The following KCNAB1 variants were observed in gnomAD, a reference collection of about 807,000 sequenced individuals.
KCNAB1 encodes the protein potassium voltage-gated channel subfamily A regulatory beta subunit 1.
KCNAB1 carries 35 observed loss-of-function variants against 64.6 expected under a neutral mutation model. That is an observed-to-expected ratio of 0.54 (90% CI 0.41 to 0.72). The LOEUF is 0.72. Among genes scored for constraint, KCNAB1 ranks in the 30% least tolerant of loss-of-function variants. KCNAB1 has a pLI of 0.00. For synonymous variants in KCNAB1, 177 were observed against 183.8 expected (o/e 0.96, Z 0.30); for missense variants, 401 against 512.9 (o/e 0.78, Z 2.11).
chr3:156,365,004 T>C (rs975156994), intron 1 of KCNAB1, among the ~76,000 whole-genome samples: 17 of 152,140 alleles, frequency 1.1e-4, no homozygotes, highest in African/African-American at 3.9e-4. Flanking sequence ...CTAGTGAAGA[T>C]GTGGATTGTC....
chr3:156,269,262 G>T (rs1350508335), intron 1 of KCNAB1, among the ~76,000 whole-genome samples: 1 of 152,162 alleles, frequency 6.6e-6, no homozygotes, highest in Admixed American at 6.5e-5. Context: ...TGTTTCAGGA[G>T]CATATTGTTT....
At chr3:156,142,711 T>C (rs1288054305) in intron 1 of KCNAB1, among the ~76,000 whole-genome samples, 1 of 152,236 alleles carries the variant, frequency 6.6e-6, no homozygotes, top group African/African-American at 2.4e-5. Context: ...TAAAAAATTA[T>C]TTGATTACAA....
intron 1 of KCNAB1, among the ~76,000 whole-genome samples, chr3:156,236,983 G>A (rs1050810528): frequency 1.3e-5 from 2 of 152,136 alleles, no homozygotes; most frequent in African/African-American, 4.8e-5. Context: ...TTACAGAATT[G>A]CAGTGTTATT....
At chr3:156,355,896 C>T (rs1024400590) in intron 1 of KCNAB1, among the ~76,000 whole-genome samples, 4 of 152,070 alleles carry the variant, frequency 2.6e-5, no homozygotes, top group South Asian at 2.1e-4. Flanking sequence ...GCAGGTGGAT[C>T]GCTTGAACCC....
intron 1 of KCNAB1, among the ~76,000 whole-genome samples, chr3:156,345,091 G>A (rs531256084): frequency 1.3e-5 from 2 of 152,318 alleles, no homozygotes; most frequent in South Asian, 2.1e-4. Context: ...TGTTCAGCAG[G>A]CAGTGGATCA....
At chr3:156,403,630 C>T (rs569444179) in intron 1 of KCNAB1, among the ~76,000 whole-genome samples, 1 of 152,106 alleles carries the variant, frequency 6.6e-6, no homozygotes, top group African/African-American at 2.4e-5. Flanking sequence ...CATGGTGGCT[C>T]ACACCTGTAA....
intron 1 of KCNAB1, among the ~76,000 whole-genome samples, chr3:156,299,325 A>G (rs1721004627): frequency 6.6e-6 from 1 of 152,240 alleles, no homozygotes; most frequent in Admixed American, 6.5e-5. Context: ...GTGCTGAGAG[A>G]GCCAGACCAA....
At chr3:156,530,294 T>A (rs535320656) in intron 12 of KCNAB1, among the ~76,000 whole-genome samples, 1 of 152,214 alleles carries the variant, frequency 6.6e-6, no homozygotes, top group East Asian at 1.9e-4. Flanking sequence ...ACCGCACACA[T>A]CCTCTTCTGA....
intron 1 of KCNAB1, among the ~76,000 whole-genome samples, chr3:156,187,703 G>A (rs918016277): frequency 1.3e-5 from 2 of 152,048 alleles, no homozygotes; most frequent in African/African-American, 2.4e-5. Flanking sequence ...CTTAACAATC[G>A]CAAAGCCTGA....
chr3:156,338,728 G>C (rs938367193), intron 1 of KCNAB1, among the ~76,000 whole-genome samples: 6 of 152,172 alleles, frequency 3.9e-5, no homozygotes. Context: ...CATGTCCCAG[G>C]TTCCAGTTCC....
chr3:156,516,321 A>C lies in KCNAB1; in HGVS notation c.917A>C (p.Lys306Thr). 2 of 1,614,116 alleles carry C rather than the reference A, an allele frequency of 1.2e-6. No individual in the cohort carries two copies. Among genetic ancestry groups the C allele is most frequent in the Non-Finnish European group, 1.7e-6 (2 of 1,179,948 alleles). ...SPLACGIISG[K>T]YGNGVPESSR... is the part of the protein sequence containing the mutation. The stretch of plus-strand genomic sequence containing the variant: ...CTTGCCTGTGGAATCATCTCAGGAA[A>C]ATACGGAAACGGGGTGCCTGAAAGT... The change falls in exon 11 of 14, where the codon AAA (lysine) becomes ACA (threonine). Residue 306 changes from lysine to threonine, a missense_variant. Physicochemically the swap from Lys to Thr is moderately conservative, Grantham distance 78. Transcript: ENST00000490337.
intron 1 of KCNAB1, among the ~76,000 whole-genome samples, chr3:156,265,871 A>G (rs547678521): frequency 6.6e-6 from 1 of 152,300 alleles, no homozygotes; most frequent in African/African-American, 2.4e-5. Flanking sequence ...TCATGCCTGT[A>G]GTCCCAGCTA....
intron 1 of KCNAB1, among the ~76,000 whole-genome samples, chr3:156,342,506 T>G (rs1724188036): frequency 6.6e-6 from 1 of 151,324 alleles, no homozygotes; most frequent in African/African-American, 2.4e-5. Flanking sequence ...TGCACAGAGC[T>G]GCACACCCAG....
chr3:156,515,246 AG>A, intron 10 of KCNAB1, 26 bp downstream of exon 10: 1 of 1,583,914 alleles, frequency 6.3e-7, no homozygotes, highest in Non-Finnish European at 8.6e-7. Flanking sequence ...AAAGCTACTG[AG>A]TATTTTTAAC....
intron 1 of KCNAB1, among the ~76,000 whole-genome samples, chr3:156,348,672 C>T (rs1724660706): frequency 1.3e-5 from 2 of 152,148 alleles, no homozygotes; most frequent in Non-Finnish European, 2.9e-5. Context: ...GGGGAGTGCT[C>T]TGATCTGAAG....
chr3:156,405,502 TC>T (rs1714190427), intron 1 of KCNAB1, among the ~76,000 whole-genome samples: 1 of 152,170 alleles, frequency 6.6e-6, no homozygotes, highest in Non-Finnish European at 1.5e-5. Flanking sequence ...ACTTTCTTTT[TC>T]TCATCACAAA....
intron 8 of KCNAB1, among the ~76,000 whole-genome samples, chr3:156,485,330 T>A (rs1715123276): frequency 6.6e-6 from 1 of 152,126 alleles, no homozygotes; most frequent in African/African-American, 2.4e-5. Context: ...TCACCTACAT[T>A]TACCAAATTG....
At chr3:156,215,587 T>A (rs893027964) in intron 1 of KCNAB1, 1 of 152,242 alleles carries the variant, frequency 6.6e-6, no homozygotes, top group Non-Finnish European at 1.5e-5. Flanking sequence ...GTCCTTTCAC[T>A]TCCATCTTGA....
intron 1 of KCNAB1, chr3:156,291,985 C>T: frequency 3.1e-6 from 5 of 1,614,126 alleles, no homozygotes; most frequent in Non-Finnish European, 4.2e-6. Context: ...GCAAGCAGAG[C>T]TCCACCGCCC....
Sources: gnomAD v4.1 joint callset for allele counts (sites outside exome capture counted in the v4.1 genomes callset) on GRCh38, gnomAD v4.1.1 for gene constraint, MANE v1.5 for transcripts, NCBI Gene and HGNC (gene_info 2026-07-23, HGNC 2026-07-21) for gene names.